The following DLG1 variants were observed in gnomAD, a reference collection of about 807,000 sequenced individuals.
DLG1 encodes disks large homolog 1.
A neutral mutation model predicts 123.4 loss-of-function variants in DLG1; 42 were observed. The observed-to-expected ratio is 0.34, with a 90% CI of 0.27 to 0.44. The LOEUF is 0.44. Among genes scored for constraint, DLG1 ranks in the 20% least tolerant of loss-of-function variants. The probability of loss-of-function intolerance (pLI) is 1.00; values close to 1 mark genes in which losing one functional copy is unlikely to be tolerated. For synonymous variants in DLG1, 317 were observed against 356.2 expected, an observed-to-expected ratio of 0.89 and a Z score of 1.24; for missense variants, 942 against 1,082.6, an observed-to-expected ratio of 0.87 and a Z score of 1.82.
intron 15 of DLG1, among the ~76,000 whole-genome samples, chr3:197,090,375 C>T (rs1209110625): frequency 1.3e-5 from 2 of 151,320 alleles, no homozygotes; most frequent in African/African-American, 2.4e-5. Flanking sequence ...TATGTTGCCA[C>T]TTAACCTTTA....
At position 197,042,678 on chromosome 3, in the gene DLG1, T is replaced by C. The variant is rs1433308540; in HGVS notation, c.*1945A>G. On this transcript the variant is annotated 3_prime_UTR_variant, in exon 25 of 25. Transcript: ENST00000667157. ...TTCAAAATAGCTTATGCTGCGGTCTTGTAAGGCAGTTTCTGAAGCTCTTGA... is the reference window on the plus strand; with the variant it reads ...TTCAAAATAGCTTATGCTGCGGTCTCGTAAGGCAGTTTCTGAAGCTCTTGA... 1 of 152,234 alleles carries C rather than the reference T, an allele frequency of 6.6e-6. No individual in the cohort carries two copies. Among genetic ancestry groups the C allele is most frequent in the Non-Finnish European group, 1.5e-5 (1 of 68,036 alleles). 9.4% of individuals were successfully genotyped at this position (152,234 alleles called of 1,614,324 possible). A position where few individuals can be genotyped will look rare whatever the true frequency, so the allele number is the denominator to read the frequency against.
intron 15 of DLG1, among the ~76,000 whole-genome samples, chr3:197,089,160 T>G (rs1756201050): frequency 6.6e-6 from 1 of 152,224 alleles, no homozygotes; most frequent in South Asian, 2.1e-4. Context: ...GATGCTTGTT[T>G]CTGGAGAATG....
At chr3:197,244,175 C>A (rs1750407539) in intron 4 of DLG1, among the ~76,000 whole-genome samples, 1 of 152,166 alleles carries the variant, frequency 6.6e-6, no homozygotes, top group South Asian at 2.1e-4. Flanking sequence ...GTAAAACTGG[C>A]ATGGGGAAAT....
chr3:197,088,947 G>T (rs1439836590), intron 15 of DLG1, among the ~76,000 whole-genome samples: 2 of 152,212 alleles, frequency 1.3e-5, no homozygotes, highest in East Asian at 1.9e-4. Context: ...AACAGAGATA[G>T]GCTATGTTTG....
At position 197,190,893 on chromosome 3, in the gene DLG1, C is replaced by T. The variant is rs1257977511; in HGVS notation, c.483+3532G>A. On this transcript the variant is annotated intron_variant, in intron 5 of 24. Coordinates refer to ENST00000667157, the MANE Select transcript of DLG1 (RefSeq NM_001366207.1). ...GGCGTGGTGGCGGGCGCCTGTAGTC[C>T]CAGCTACTCGGGAGGCTGGGGCAGG... Among the ~76,000 whole-genome samples, 3 of 152,230 alleles carry T rather than the reference C, an allele frequency of 2.0e-5. No homozygotes were observed. In the East Asian group the frequency reaches 5.8e-4, roughly 29 times the overall value.
chr3:197,234,499 T>C (rs1054138187), intron 4 of DLG1, among the ~76,000 whole-genome samples: 27 of 152,242 alleles, frequency 1.8e-4, no homozygotes, highest in African/African-American at 5.8e-4. Context: ...AAATAAATGA[T>C]GATATATTCC....
intron 7 of DLG1, among the ~76,000 whole-genome samples, chr3:197,141,365 T>G (rs1185497420): frequency 6.6e-6 from 1 of 152,064 alleles, no homozygotes; most frequent in Admixed American, 6.6e-5. Flanking sequence ...TGGGAAAAGA[T>G]AAAAAATCAA....
intron 5 of DLG1, among the ~76,000 whole-genome samples, chr3:197,152,649 G>A (rs953947565): frequency 6.7e-6 from 1 of 150,236 alleles, no homozygotes; most frequent in African/African-American, 2.5e-5. Context: ...TGTAGTCCCA[G>A]CTACTTGGGA....
intron 4 of DLG1, among the ~76,000 whole-genome samples, chr3:197,262,966 T>C (rs1297350682): frequency 2.0e-5 from 3 of 152,118 alleles, no homozygotes; most frequent in African/African-American, 4.8e-5. Flanking sequence ...AGTACTCCCT[T>C]TTCCCCACCC....
intron 5 of DLG1, chr3:197,161,729 C>G: frequency 6.4e-7 from 1 of 1,566,400 alleles, no homozygotes; most frequent in Non-Finnish European, 8.6e-7. Flanking sequence ...GGAAGAACAG[C>G]TTCTGTTGGC....
At chr3:197,277,673 T>C (rs945408056) in intron 4 of DLG1, among the ~76,000 whole-genome samples, 2 of 150,592 alleles carry the variant, frequency 1.3e-5, no homozygotes, top group African/African-American at 4.9e-5. Flanking sequence ...TCCTTCCTTA[T>C]AAATCAACCC....
At chr3:197,157,490 A>G (rs148504990) in intron 5 of DLG1, among the ~76,000 whole-genome samples, 26 of 152,314 alleles carry the variant, frequency 1.7e-4, no homozygotes, top group African/African-American at 6.3e-4. Context: ...CTTCATCAAG[A>G]AAGTAAAAAA....
At chr3:197,061,945 C>G (rs937042152) in intron 22 of DLG1, among the ~76,000 whole-genome samples, 2 of 152,156 alleles carry the variant, frequency 1.3e-5, no homozygotes, top group Non-Finnish European at 2.9e-5. Context: ...CAAATGTTCA[C>G]TAATTTTAGA....
At chr3:197,127,090 T>C (rs952221527) in intron 11 of DLG1, among the ~76,000 whole-genome samples, 1 of 151,946 alleles carries the variant, frequency 6.6e-6, no homozygotes, top group Non-Finnish European at 1.5e-5. Flanking sequence ...CATTAAAAAA[T>C]ATACTTAAAT....
At chr3:197,189,013 G>A (rs936558057) in intron 5 of DLG1, among the ~76,000 whole-genome samples, 2 of 150,686 alleles carry the variant, frequency 1.3e-5, no homozygotes, top group African/African-American at 4.9e-5. Context: ...AATGAAAGAG[G>A]GGAAGCAGGT....
intron 4 of DLG1, among the ~76,000 whole-genome samples, chr3:197,224,614 T>C (rs1031258257): frequency 6.6e-6 from 1 of 152,238 alleles, no homozygotes; most frequent in Non-Finnish European, 1.5e-5. Context: ...ATCAGCAGCA[T>C]ACTTTTTCTT....
At chr3:197,075,707 C>T (rs1228720487) in intron 18 of DLG1, 1 of 631,630 alleles carries the variant, frequency 1.6e-6, no homozygotes, top group Admixed American at 3.1e-5. Context: ...CATGAAAATT[C>T]TAAAAGCAAT....
intron 11 of DLG1, among the ~76,000 whole-genome samples, chr3:197,119,920 C>T (rs556341383): frequency 6.6e-6 from 1 of 152,224 alleles, no homozygotes; most frequent in East Asian, 1.9e-4. Flanking sequence ...TTTAAATTCA[C>T]CCATAGAAGA....
intron 4 of DLG1, among the ~76,000 whole-genome samples, chr3:197,207,372 T>A: frequency 6.6e-6 from 1 of 152,160 alleles, no homozygotes; most frequent in East Asian, 1.9e-4. Flanking sequence ...CTTTACCAAA[T>A]GAAAAGAAGA....
Sources: gnomAD v4.1 joint callset for allele counts (sites outside exome capture counted in the v4.1 genomes callset) on GRCh38, gnomAD v4.1.1 for gene constraint, MANE v1.5 for transcripts, NCBI Gene and HGNC (gene_info 2026-07-23, HGNC 2026-07-21) for gene names.